Variants in CTCF observed in about 807,000 individuals in gnomAD.
CTCF encodes the protein transcriptional repressor CTCF.
Under a neutral mutation model 72.3 loss-of-function variants are expected in CTCF, and 7 were observed. The observed-to-expected ratio is 0.10, with a 90% CI of 0.06 to 0.18. CTCF has a LOEUF of 0.18. Among genes scored for constraint, CTCF ranks in the 10% least tolerant of loss-of-function variants. The pLI is 1.00. For synonymous variants in CTCF, 374 were observed against 315.8 expected (o/e 1.18, Z -1.95); for missense variants, 516 against 949.1 (o/e 0.54, Z 6.00).
intron 2 of CTCF, among the ~76,000 whole-genome samples, chr16:67,601,680 G>A (rs1037473110): frequency 6.6e-6 from 1 of 152,022 alleles, no homozygotes; most frequent in South Asian, 2.1e-4. Context: ...CTTTAAGACC[G>A]AGTAGATGCT....
At chr16:67,575,500 A>C (rs1373010843) in intron 2 of CTCF, among the ~76,000 whole-genome samples, 1 of 151,848 alleles carries the variant, frequency 6.6e-6, no homozygotes, top group African/African-American at 2.4e-5. Context: ...GCTGGAGTGC[A>C]GTGGTGCAAT....
At chr16:67,578,545 C>A in intron 2 of CTCF, among the ~76,000 whole-genome samples, 1 of 150,384 alleles carries the variant, frequency 6.6e-6, no homozygotes. Flanking sequence ...GTTGGCCAGG[C>A]TGGTCTCGAA....
intron 2 of CTCF, among the ~76,000 whole-genome samples, chr16:67,600,756 A>T (rs1208982309): frequency 6.6e-6 from 1 of 152,178 alleles, no homozygotes; most frequent in East Asian, 1.9e-4. Flanking sequence ...TTTCATATAT[A>T]TACAAAATAT....
At chr16:67,633,818 T>A (rs1455112875) in intron 10 of CTCF, among the ~76,000 whole-genome samples, 6 of 147,802 alleles carry the variant, frequency 4.1e-5, no homozygotes, top group Non-Finnish European at 7.4e-5. Flanking sequence ...ACACACACTC[T>A]CACTCACTCA....
At chr16:67,587,638 A>G (rs996635242) in intron 2 of CTCF, among the ~76,000 whole-genome samples, 1 of 151,382 alleles carries the variant, frequency 6.6e-6, no homozygotes, top group South Asian at 2.1e-4. Flanking sequence ...TTCAAGGCTT[A>G]CTCTGCTTGG....
At chr16:67,578,277 C>T (rs1331685293) in intron 2 of CTCF, among the ~76,000 whole-genome samples, 1 of 150,738 alleles carries the variant, frequency 6.6e-6, no homozygotes, top group Non-Finnish European at 1.5e-5. Flanking sequence ...TCTGATGTAT[C>T]CATCCAAAGA....
At chr16:67,601,221 T>G (rs943496734) in intron 2 of CTCF, among the ~76,000 whole-genome samples, 1 of 111,910 alleles carries the variant, frequency 8.9e-6, no homozygotes, top group Non-Finnish European at 1.7e-5. Context: ...CTAAGGGGTG[T>G]GTGTGTGTGT....
At chr16:67,626,145 A>C (rs1255084113) in intron 7 of CTCF, among the ~76,000 whole-genome samples, 1 of 152,024 alleles carries the variant, frequency 6.6e-6, no homozygotes, top group East Asian at 1.9e-4. Flanking sequence ...ATACTTAAGA[A>C]TCAGGAGAAA....
At chr16:67,570,291 A>G (rs2051399077) in intron 1 of CTCF, among the ~76,000 whole-genome samples, 1 of 150,816 alleles carries the variant, frequency 6.6e-6, no homozygotes, top group Admixed American at 6.6e-5. Flanking sequence ...CGTGTTAGCC[A>G]GGATGGTCTT....
At chr16:67,568,405 C>G (rs1567589074) in intron 1 of CTCF, 1 of 146,976 alleles carries the variant, frequency 6.8e-6, no homozygotes, top group East Asian at 2.1e-4. Flanking sequence ...TTCTTCTTCC[C>G]TGAGACGAAG....
At position 67,639,094 on chromosome 16, in the gene CTCF, TAATAA is replaced by T. The variant is rs1475728209; in HGVS notation, c.*1227_*1231del. On this transcript the variant is annotated 3_prime_UTR_variant, in exon 12 of 12. Transcript: ENST00000264010. ...TTTTAGGACGCCAACATGAGACCTG[TAATAA>T]AATATGTAATGGGGTTGAAAGCTGG... 1 of 199,874 alleles carries T rather than the reference TAATAA, an allele frequency of 5.0e-6. No individual in the cohort carries two copies. The highest frequency in any genetic ancestry group is 2.3e-5 in the African/African-American group (1 of 43,528). 12.4% of individuals were successfully genotyped at this position (199,874 alleles called of 1,614,324 possible).
chr16:67,608,929 C>T (rs1030700734), intron 2 of CTCF, among the ~76,000 whole-genome samples: 1 of 151,954 alleles, frequency 6.6e-6, no homozygotes, highest in African/African-American at 2.4e-5. Context: ...TTACTTAGGA[C>T]GGGGTTTCTC....
chr16:67,595,925 G>A (rs573631874), intron 2 of CTCF, among the ~76,000 whole-genome samples: 1 of 151,882 alleles, frequency 6.6e-6, no homozygotes, highest in South Asian at 2.1e-4. Context: ...ACAACATTGG[G>A]GAGTATCTTT....
intron 2 of CTCF, among the ~76,000 whole-genome samples, chr16:67,606,505 G>A (rs777638258): frequency 2.6e-5 from 4 of 151,912 alleles, no homozygotes; most frequent in Admixed American, 6.6e-5. Flanking sequence ...GATTACAGGC[G>A]TGAGCCACCA....
At chr16:67,629,371 GAA>G in intron 9 of CTCF, 25 bp from the exon 10 acceptor site, 1 of 1,584,566 alleles carries the variant, frequency 6.3e-7, no homozygotes, top group Non-Finnish European at 8.6e-7. Flanking sequence ...TTAGTGGTGT[GAA>G]AGAGGATTTT....
At chr16:67,597,287 T>C (rs2051827595) in intron 2 of CTCF, among the ~76,000 whole-genome samples, 1 of 152,110 alleles carries the variant, frequency 6.6e-6, no homozygotes. Flanking sequence ...CTGCTGGCCT[T>C]GGCCTCTCAG....
Position 67,612,054 on chromosome 16 carries a change from G to A in CTCF, c.885G>A (p.Lys295=), listed in dbSNP as rs2142828734. 6.2e-7 allele frequency: 1 copy of A among 1,614,160 alleles called. No individual in the cohort carries two copies. The highest frequency in any genetic ancestry group is 1.3e-5 in the African/African-American group (1 of 75,058). ...GCCACACTGATGAGAGACCACACAA[G>A]TGCCATCTCTGTGGCAGGGCATTCA... is the stretch of plus-strand genomic sequence containing the variant. ...MKSHTDERPH[K]CHLCGRAFRT... Residue 295 remains lysine, a synonymous_variant, in exon 4 of 12, where the codon AAG becomes AAA. Transcript: ENST00000264010.
At chr16:67,627,744 C>G (rs1453869451) in intron 8 of CTCF, 1 of 151,982 alleles carries the variant, frequency 6.6e-6, no homozygotes, top group East Asian at 1.9e-4. Context: ...GTCAGGAGAT[C>G]AAGACCATCC....
intron 2 of CTCF, among the ~76,000 whole-genome samples, chr16:67,599,435 A>G (rs767831385): frequency 1.9e-4 from 29 of 152,048 alleles, no homozygotes; most frequent in Non-Finnish European, 2.6e-4. Context: ...GGAAGAACTG[A>G]TCCATGCCCC....
Sources: allele counts gnomAD v4.1 joint callset (sites outside exome capture counted in the v4.1 genomes callset), GRCh38; gene constraint gnomAD v4.1.1; transcripts MANE v1.5; gene names NCBI Gene and HGNC (gene_info 2026-07-23, HGNC 2026-07-21).